DOCK1: variants seen among roughly 807,000 people sequenced by gnomAD.
The protein encoded by DOCK1 is dedicator of cytokinesis protein 1.
DOCK1 carries 138 observed loss-of-function variants against 262.7 expected under a neutral mutation model. The observed-to-expected ratio is 0.53, with a 90% CI of 0.46 to 0.61. The LOEUF is 0.61. Ranked by LOEUF, DOCK1 falls within the 20% of genes least tolerant of loss-of-function variation. The pLI, the probability that DOCK1 is intolerant of heterozygous loss-of-function variation, is 0.00. For synonymous variants in DOCK1, 866 were observed against 867.4 expected (o/e 1.00, Z 0.03); for missense variants, 1,908 against 2,370.7 (o/e 0.80, Z 4.05).
chr10:126,908,674 G>A (rs2031305076), intron 1 of DOCK1, among the ~76,000 whole-genome samples: 1 of 152,170 alleles, frequency 6.6e-6, no homozygotes, highest in African/African-American at 2.4e-5. Context: ...TTCCACTGGG[G>A]GCTGCCTGTG....
intron 29 of DOCK1, among the ~76,000 whole-genome samples, chr10:127,293,549 T>G (rs1266924273): frequency 6.6e-6 from 1 of 152,186 alleles, no homozygotes; most frequent in African/African-American, 2.4e-5. Context: ...TTGAGGTGGA[T>G]GGAGGTCCTT....
At chr10:127,195,711 C>T (rs2057076194) in intron 27 of DOCK1, among the ~76,000 whole-genome samples, 1 of 152,222 alleles carries the variant, frequency 6.6e-6, no homozygotes, top group Admixed American at 6.5e-5. Context: ...GAGGCGCAGC[C>T]CCGCTCCTCC....
chr10:127,264,802 C>T (rs1014312530), intron 29 of DOCK1, among the ~76,000 whole-genome samples: 3 of 152,032 alleles, frequency 2.0e-5, no homozygotes, highest in East Asian at 1.9e-4. Flanking sequence ...CTGGGACTAC[C>T]GACACATACC....
Position 127,125,471 on chromosome 10 carries a change from T to C in DOCK1, c.2624-3T>C. ...CTGACTGGCAATGCTGTGTCCTGTG[T>C]AGACTGCAGAGAGATCCTGCTTCCC... On this transcript the variant is annotated splice_polypyrimidine_tract_variant and splice_region_variant and intron_variant, in intron 25 of 51. Transcript: ENST00000623213. The C allele has an allele frequency of 6.2e-7, 1 of 1,612,670 alleles. No individual in the cohort carries two copies. Among genetic ancestry groups the C allele is most frequent in the East Asian group, 2.2e-5 (1 of 44,850 alleles).
intron 27 of DOCK1, among the ~76,000 whole-genome samples, chr10:127,151,139 A>G (rs1179575441): frequency 6.6e-6 from 1 of 152,182 alleles, no homozygotes; most frequent in African/African-American, 2.4e-5. Context: ...CTTATCCAAC[A>G]TAATAACCAC....
intron 49 of DOCK1, among the ~76,000 whole-genome samples, chr10:127,441,596 G>A (rs565308496): frequency 5.9e-5 from 9 of 152,138 alleles, no homozygotes; most frequent in African/African-American, 1.9e-4. Flanking sequence ...AGGCGGCTGC[G>A]TGCCAGTGAC....
intron 29 of DOCK1, among the ~76,000 whole-genome samples, chr10:127,273,670 T>G (rs1172781267): frequency 4.6e-5 from 7 of 152,090 alleles, no homozygotes; most frequent in African/African-American, 1.7e-4. Flanking sequence ...TTGCCTGAGC[T>G]CAGAAGCTTG....
chr10:127,373,819 C>T lies in DOCK1; in HGVS notation c.3471C>T (p.Val1157=), dbSNP rs751465498. 13 of 1,611,496 alleles carry T rather than the reference C, an allele frequency of 8.1e-6. No homozygotes were observed. Among genetic ancestry groups the T allele is most frequent in the African/African-American group, 6.7e-5 (5 of 74,838 alleles). ...TCATCACCAAGCTGGATCATGAAGT[C>T]GAAGGAGGCAGAGGAGACGAACAGT... ...NEIITKLDHE[V]EGGRGDEQYK... The change falls in exon 34 of 52, where the codon GTC becomes GTT. Residue 1157 remains valine (V), a synonymous_variant. Coordinates refer to ENST00000623213, the MANE Select transcript of DOCK1 (RefSeq NM_001290223.2).
At chr10:126,934,137 G>A (rs2134200182) in intron 1 of DOCK1, among the ~76,000 whole-genome samples, 1 of 151,930 alleles carries the variant, frequency 6.6e-6, no homozygotes, top group South Asian at 2.1e-4. Context: ...TTAAAACTCA[G>A]ATTTTTTTTT....
intron 18 of DOCK1, among the ~76,000 whole-genome samples, chr10:127,033,278 C>G (rs758626792): frequency 2.0e-5 from 3 of 152,232 alleles, no homozygotes; most frequent in Non-Finnish European, 4.4e-5. Flanking sequence ...CACCCCAAAG[C>G]TCAGCCCTAA....
chr10:127,250,517 G>A (rs901026136), intron 28 of DOCK1, among the ~76,000 whole-genome samples: 11 of 152,112 alleles, frequency 7.2e-5, no homozygotes, highest in African/African-American at 1.4e-4. Flanking sequence ...TTGGCCGGGC[G>A]TGGTGGCTCA....
chr10:127,326,384 A>G (rs1009800955), intron 29 of DOCK1, among the ~76,000 whole-genome samples: 2 of 152,234 alleles, frequency 1.3e-5, no homozygotes, highest in Non-Finnish European at 2.9e-5. Flanking sequence ...TGTCATTTCA[A>G]CAATGTTATC....
At chr10:127,174,593 G>A (rs936715872) in intron 27 of DOCK1, among the ~76,000 whole-genome samples, 9 of 152,166 alleles carry the variant, frequency 5.9e-5, no homozygotes, top group South Asian at 2.1e-4. Context: ...AGGGCAGCCC[G>A]TGGGGAAGGG....
intron 23 of DOCK1, among the ~76,000 whole-genome samples, chr10:127,082,303 A>G (rs1049767239): frequency 6.6e-6 from 1 of 152,050 alleles, no homozygotes; most frequent in Admixed American, 6.6e-5. Flanking sequence ...CTGGGTTTGT[A>G]TTAGTCTATT....
At chr10:127,017,949 T>C (rs1201834741) in intron 12 of DOCK1, among the ~76,000 whole-genome samples, 1 of 152,154 alleles carries the variant, frequency 6.6e-6, no homozygotes, top group Admixed American at 6.5e-5. Flanking sequence ...TTTGTCAGCC[T>C]TGCAGGGAGG....
intron 1 of DOCK1, among the ~76,000 whole-genome samples, chr10:126,948,904 A>G (rs1337830983): frequency 6.6e-6 from 1 of 152,036 alleles, no homozygotes; most frequent in Non-Finnish European, 1.5e-5. Context: ...GGGTTGCGTG[A>G]GAAGGCAGGT....
intron 1 of DOCK1, among the ~76,000 whole-genome samples, chr10:126,941,783 C>CAAA (rs1328886302): frequency 2.6e-5 from 4 of 150,988 alleles, no homozygotes; most frequent in Admixed American, 2.6e-4. Context: ...CAAAACAAAA[C>CAAA]AAAAAAAACA....
At chr10:126,977,021 C>T (rs2038594450) in intron 2 of DOCK1, among the ~76,000 whole-genome samples, 1 of 152,218 alleles carries the variant, frequency 6.6e-6, no homozygotes. Context: ...AGGCGTGAGC[C>T]ACTGTGCCTG....
chr10:127,367,958 G>C (rs1328041193), intron 33 of DOCK1, among the ~76,000 whole-genome samples: 1 of 152,190 alleles, frequency 6.6e-6, no homozygotes, highest in Non-Finnish European at 1.5e-5. Flanking sequence ...CCCCTGGGGT[G>C]GCCCCCAGCC....
Sources: gnomAD v4.1 joint callset for allele counts (sites outside exome capture counted in the v4.1 genomes callset) on GRCh38, gnomAD v4.1.1 for gene constraint, MANE v1.5 for transcripts, NCBI Gene and HGNC (gene_info 2026-07-23, HGNC 2026-07-21) for gene names.